Variants in HNRNPR observed in about 807,000 individuals in gnomAD.
The protein encoded by HNRNPR is heterogeneous nuclear ribonucleoprotein R.
Under a neutral mutation model 70.3 loss-of-function variants are expected in HNRNPR, and 4 were observed. The observed-to-expected ratio is 0.06, with a 90% CI of 0.03 to 0.13. The LOEUF (loss-of-function observed/expected upper bound fraction) is 0.13, where lower values mean the gene tolerates loss of function less well. Among genes scored for constraint, HNRNPR ranks in the 10% least tolerant of loss-of-function variants. HNRNPR has a pLI of 1.00. For synonymous variants in HNRNPR, 241 were observed against 267.6 expected, an observed-to-expected ratio of 0.90 and a Z score of 0.97; for missense variants, 423 against 788.5, an observed-to-expected ratio of 0.54 and a Z score of 5.55.
chr1:23,315,701 A>C (rs902815402), intron 8 of HNRNPR, among the ~76,000 whole-genome samples: 1 of 152,234 alleles, frequency 6.6e-6, no homozygotes, highest in African/African-American at 2.4e-5. Context: ...TTTTGAACTA[A>C]GAAAACATAG....
At chr1:23,315,302 A>AAAAAAC (rs1557835030) in intron 8 of HNRNPR, among the ~76,000 whole-genome samples, 1 of 127,152 alleles carries the variant, frequency 7.9e-6, no homozygotes, top group African/African-American at 3.4e-5. Flanking sequence ...AAAAAAAAAA[A>AAAAAAC]AAACAAAAAC....
At position 23,340,970 on chromosome 1, in the gene HNRNPR, T is replaced by G. The variant is rs755519959; in HGVS notation, c.39A>C (p.Lys13Asn). The G allele has an allele frequency of 6.2e-7, 1 of 1,613,388 alleles. No homozygotes were observed. The highest frequency in any genetic ancestry group is 8.5e-7 in the Non-Finnish European group (1 of 1,179,640). ...NQVNGNAVQL[K>N]EEEEPMDTSS... ...AAGTATCCATTGGTTCTTCCTCTTC[T>G]TTTAACTGTACCGCATTACCATTCA... Residue 13 changes from lysine to asparagine, a missense_variant, in exon 2 of 11, where the codon AAA (lysine) becomes AAC (asparagine). Around this residue, in one of 7 missense-constraint regions of HNRNPR, gnomAD observed 44 missense variants for 89.0 expected, o/e 0.49. Coordinates refer to ENST00000302271, the MANE Select transcript of HNRNPR (RefSeq NM_005826.5).
rs1271571628 is a variant in HNRNPR at position 23,309,036 on chromosome 1, T to G, written c.*1418A>C. On this transcript the variant is annotated 3_prime_UTR_variant, in exon 11 of 11. Coordinates refer to ENST00000302271, the MANE Select transcript of HNRNPR (RefSeq NM_005826.5). ...GCTTAGATTCTTTTGTTCCTCTCAT[T>G]CTCAAGCAAAAAAGTCATTAGAATA... 6.6e-6 allele frequency: 1 copy of G among 152,040 alleles called. No individual in the cohort carries two copies. Among genetic ancestry groups the G allele is most frequent in the African/African-American group, 2.4e-5 (1 of 41,426 alleles). 9.4% of individuals were successfully genotyped at this position (152,040 alleles called of 1,614,324 possible).
chr1:23,329,277 T>C (rs889955141), intron 5 of HNRNPR, among the ~76,000 whole-genome samples: 10 of 152,228 alleles, frequency 6.6e-5, no homozygotes, highest in African/African-American at 2.4e-4. Context: ...CAATTTAACT[T>C]AGGACCTAAA....
Position 23,307,637 on chromosome 1 carries a change from T to C in HNRNPR, c.*2817A>G, listed in dbSNP as rs1191875091. 3 of 152,100 alleles carry C rather than the reference T, an allele frequency of 2.0e-5. No individual in the cohort carries two copies. Among genetic ancestry groups the C allele is most frequent in the Non-Finnish European group, 1.5e-5 (1 of 67,960 alleles). 9.4% of individuals were successfully genotyped at this position (152,100 alleles called of 1,614,324 possible). On this transcript the variant is annotated 3_prime_UTR_variant, in exon 11 of 11. Coordinates refer to ENST00000302271, the MANE Select transcript of HNRNPR (RefSeq NM_005826.5). ...TTAGAACTTTTTTGCTCTTAAAAAT[T>C]AAAATACCTTCATATAAATACATAC... is the stretch of plus-strand genomic sequence containing the variant.
chr1:23,310,380 A>ATT lies in HNRNPR; in HGVS notation c.*73_*74insAA. On this transcript the variant is annotated 3_prime_UTR_variant, in exon 11 of 11. Coordinates refer to ENST00000302271, the MANE Select transcript of HNRNPR (RefSeq NM_005826.5). The surrounding 1 kb of genome is among the most constrained non-coding windows in gnomAD (Gnocchi z 6.0). ...TACTTAAAGATGAAACAGTTAAGCC[A>ATT]ATTTTTTTTTTTGAAGAATGTAGAT... The ATT allele has an allele frequency of 7.0e-7, 1 of 1,422,728 alleles. No individual in the cohort carries two copies. The highest frequency in any genetic ancestry group is 9.4e-7 in the Non-Finnish European group (1 of 1,062,304). 88.1% of individuals were successfully genotyped at this position (1,422,728 alleles called of 1,614,324 possible).
At chr1:23,320,153 C>T (rs1645700593) in intron 7 of HNRNPR, among the ~76,000 whole-genome samples, 1 of 152,114 alleles carries the variant, frequency 6.6e-6, no homozygotes, top group Admixed American at 6.5e-5. Flanking sequence ...AATGCCAGCA[C>T]TTAACAGGAA....
chr1:23,323,275 C>T (rs1217882949), intron 6 of HNRNPR, among the ~76,000 whole-genome samples: 1 of 150,408 alleles, frequency 6.6e-6, no homozygotes, highest in Non-Finnish European at 1.5e-5. Context: ...GACAGAAATG[C>T]ATAAGCCAAA....
intron 5 of HNRNPR, among the ~76,000 whole-genome samples, chr1:23,325,013 G>A (rs1191616581): frequency 4.6e-5 from 7 of 151,782 alleles, no homozygotes; most frequent in South Asian, 2.1e-4. Flanking sequence ...GGTGGCCGGC[G>A]CCTGTAGCCC....
At chr1:23,336,132 A>AAAAAAAAAAAAAAT in intron 4 of HNRNPR, among the ~76,000 whole-genome samples, 1 of 144,446 alleles carries the variant, frequency 6.9e-6, no homozygotes, top group Non-Finnish European at 1.5e-5. Context: ...AAAAAAAAAA[A>AAAAAAAAAAAAAAT]GTCTATCACA....
chr1:23,315,749 T>G (rs1645517471), intron 8 of HNRNPR, among the ~76,000 whole-genome samples: 1 of 152,166 alleles, frequency 6.6e-6, no homozygotes, highest in Non-Finnish European at 1.5e-5. Context: ...TTGAACAAAT[T>G]GTTGCTTCAG....
At chr1:23,335,503 C>T (rs1198740241) in intron 4 of HNRNPR, among the ~76,000 whole-genome samples, 1 of 152,234 alleles carries the variant, frequency 6.6e-6, no homozygotes, top group Non-Finnish European at 1.5e-5. Context: ...CTCATCCTCC[C>T]TATCATTGGC....
At chr1:23,317,801 G>A (rs1645607515) in intron 8 of HNRNPR, among the ~76,000 whole-genome samples, 2 of 151,848 alleles carry the variant, frequency 1.3e-5, no homozygotes, top group African/African-American at 4.8e-5. Context: ...GCAATATGGT[G>A]AAATGCTGTC....
chr1:23,327,995 CAA>C (rs11345105), intron 5 of HNRNPR, among the ~76,000 whole-genome samples: 7,213 of 118,684 alleles, frequency 0.061, 532 homozygotes, highest in African/African-American at 0.21. Context: ...GACTCTGTCT[CAA>C]AAAAAAAAAA....
At chr1:23,324,090 A>G (rs2148392168) in intron 5 of HNRNPR, among the ~76,000 whole-genome samples, 1 of 152,136 alleles carries the variant, frequency 6.6e-6, no homozygotes. Context: ...AGGAAGGCGG[A>G]TCACTTGAGT....
intron 7 of HNRNPR, 127 bp downstream of exon 7, chr1:23,321,401 G>A (rs1645754108): frequency 5.6e-6 from 4 of 715,668 alleles, no homozygotes; most frequent in East Asian, 2.9e-5. Flanking sequence ...AAGCAGAAAG[G>A]AAGCAATTTA....
At chr1:23,326,257 G>A (rs1041720074) in intron 5 of HNRNPR, among the ~76,000 whole-genome samples, 6 of 151,460 alleles carry the variant, frequency 4.0e-5, no homozygotes, top group Admixed American at 6.6e-5. Context: ...GCTTAATACC[G>A]TGAAGCCAAA....
In HNRNPR at chr1:23,311,205, T is replaced by C; in HGVS notation, c.1285A>G (p.Thr429Ala). 1 of 1,613,980 alleles carries C rather than the reference T, an allele frequency of 6.2e-7. No homozygotes were observed. The highest frequency in any genetic ancestry group is 8.5e-7 in the Non-Finnish European group (1 of 1,180,004). Residue 429 changes from threonine (T) to alanine (A), a missense_variant, in exon 10 of 11, where the codon ACT becomes GCT. By Grantham distance (58) the Thr-to-Ala change is moderately conservative. Around this residue, in one of 7 missense-constraint regions of HNRNPR, gnomAD observed 169 missense variants for 195.6 expected, o/e 0.86. Coordinates refer to ENST00000302271, the MANE Select transcript of HNRNPR (RefSeq NM_005826.5). ...RQAARQASRSTAYEDYYYHPP... is the reference protein window; with the variant it reads ...RQAARQASRSAAYEDYYYHPP... ...TCTACTAAAATGTAGACTCACGCAG[T>C]GCTTCTGGAGGCCTGTCTAGCAGCT... is the stretch of plus-strand genomic sequence containing the variant.
In HNRNPR at chr1:23,310,381, AT is replaced by A. The variant is rs1474262091; in HGVS notation, c.*72del. ...ACTTAAAGATGAAACAGTTAAGCCA[AT>A]TTTTTTTTTTGAAGAATGTAGATCT... On this transcript the variant is annotated 3_prime_UTR_variant, in exon 11 of 11. Coordinates refer to ENST00000302271, the MANE Select transcript of HNRNPR (RefSeq NM_005826.5). The surrounding 1 kb of genome is among the most constrained non-coding windows in gnomAD (Gnocchi z 6.0). The A allele has an allele frequency of 1.0e-2, 10,321 of 1,032,808 alleles. No homozygotes were observed. Among genetic ancestry groups the A allele is most frequent in the South Asian group, 0.014 (687 of 49,318 alleles). 64.0% of individuals were successfully genotyped at this position (1,032,808 alleles called of 1,614,324 possible). A position where few individuals can be genotyped will look rare whatever the true frequency, so the allele number is the denominator to read the frequency against.
Sources: gnomAD v4.1 joint callset for allele counts (sites outside exome capture counted in the v4.1 genomes callset) on GRCh38, gnomAD v4.1.1 for gene constraint, gnomAD v4.1.1 regional missense constraint, Gnocchi (gnomAD v3.1) non-coding constraint, MANE v1.5 for transcripts, NCBI Gene and HGNC (gene_info 2026-07-23, HGNC 2026-07-21) for gene names.